RAPGEF3: variants seen among roughly 807,000 people sequenced by gnomAD.
RAPGEF3 encodes Rap guanine nucleotide exchange factor 3.
A neutral mutation model predicts 129.8 loss-of-function variants in RAPGEF3; 103 were observed. That is an observed-to-expected ratio of 0.79 (90% confidence interval 0.68 to 0.93). The LOEUF is 0.93. Among genes scored for constraint, RAPGEF3 ranks in the 40% least tolerant of loss-of-function variants. The pLI is 0.00. For synonymous variants in RAPGEF3, 436 were observed against 482.6 expected, an observed-to-expected ratio of 0.90 and a Z score of 1.26; for missense variants, 1,117 against 1,207.4, an observed-to-expected ratio of 0.93 and a Z score of 1.11.
chr12:47,751,685 G>T, intron 4 of RAPGEF3, 38 bp downstream of exon 4: 1 of 1,607,218 alleles, frequency 6.2e-7, no homozygotes, highest in Non-Finnish European at 8.5e-7. Context: ...AGAGAAAGCA[G>T]TGAGGCTGGG....
chr12:47,738,784 C>T, intron 24 of RAPGEF3, 30 bp from the exon 25 acceptor site: 2 of 1,569,308 alleles, frequency 1.3e-6, no homozygotes, highest in South Asian at 2.2e-5. Flanking sequence ...GTTCATAGGT[C>T]CCCAAACTTC....
In RAPGEF3 at chr12:47,758,687, CA is replaced by C; in HGVS notation, c.-132del. 4.7e-6 allele frequency: 7 copies of C among 1,481,578 alleles called. No individual in the cohort carries two copies. Among genetic ancestry groups the C allele is most frequent in the Non-Finnish European group, 5.4e-6 (6 of 1,111,960 alleles). 91.8% of individuals were successfully genotyped at this position (1,481,578 alleles called of 1,614,324 possible). A position where few individuals can be genotyped will look rare whatever the true frequency, so the allele number is the denominator to read the frequency against. On this transcript the variant is annotated 5_prime_UTR_variant, in exon 1 of 28. Transcript: ENST00000449771. ...TAAGTCCAGGTACAGTGAACTGGGCCAGTGCCTAGCTGGACTGGCTGCCAGG... is the reference window on the plus strand; with the variant it reads ...TAAGTCCAGGTACAGTGAACTGGGCCGTGCCTAGCTGGACTGGCTGCCAGG...
Position 47,748,905 on chromosome 12 carries a change from C to T in RAPGEF3, c.1068G>A (p.Leu356=). ...CCAGCACCACTTTGCCATGTTCTTC[C>T]AGCCGCATGGTCTTTGCCTCCACAT... is the stretch of plus-strand genomic sequence containing the variant. ...IKDVEAKTMR[L]EEHGKVVLVL... Residue 356 remains leucine, a synonymous_variant, in exon 11 of 28, where the codon CTG becomes CTA. Transcript: ENST00000449771. 2 of 1,614,042 alleles carry T rather than the reference C, an allele frequency of 1.2e-6. No homozygotes were observed. Among genetic ancestry groups the T allele is most frequent in the Non-Finnish European group, 1.7e-6 (2 of 1,179,942 alleles).
At chr12:47,741,865 ACTT>A (rs1392784524) in intron 18 of RAPGEF3, 21 of 515,724 alleles carry the variant, frequency 4.1e-5, no homozygotes, top group Non-Finnish European at 7.0e-5. Flanking sequence ...CCTCAGCCTC[ACTT>A]TCTTCCCTGG....
Position 47,749,803 on chromosome 12 carries a change from C to A in RAPGEF3, c.832G>T (p.Asp278Tyr). ...KAGTVLFSQG[D>Y]KGTSWYIIWK... is the part of the protein sequence containing the mutation. ...ATAATGTACCACGAAGTGCCCTTGT[C>A]CCCCTGGCTGAACACTGACAGAAGC... The change falls in exon 9 of 28, where the codon GAC (aspartate) becomes TAC (tyrosine). Residue 278 changes from aspartate (D) to tyrosine (Y), a missense_variant. By Grantham distance (160) the Asp-to-Tyr change is radical (BLOSUM62 -3). This residue lies in a region of RAPGEF3 where 367 missense variants were observed against 373.4 expected (regional missense o/e 0.98). Transcript: ENST00000449771. This position sits in a 1 kb window ranked among gnomAD's most constrained non-coding sequence, Gnocchi z 4.5. The A allele has an allele frequency of 6.2e-7, 1 of 1,614,204 alleles. No individual in the cohort carries two copies. The highest frequency in any genetic ancestry group is 8.5e-7 in the Non-Finnish European group (1 of 1,180,040).
intron 7 of RAPGEF3, 119 bp from the exon 8 acceptor site, chr12:47,750,109 G>T: frequency 7.9e-7 from 1 of 1,264,698 alleles, no homozygotes; most frequent in Non-Finnish European, 1.2e-6. Context: ...GATGTGGCCA[G>T]GTCAGGTGTT....
chr12:47,737,573 C>G lies in RAPGEF3; in HGVS notation c.2766G>C (p.Glu922Asp). Residue 922 changes from glutamate to aspartate, a missense_variant, in exon 28 of 28, where the codon GAG becomes GAC. Physicochemically the swap from Glu to Asp is conservative, Grantham distance 45 (BLOSUM62 2). This residue lies in a region of RAPGEF3 where 643 missense variants were observed against 673.4 expected (regional missense o/e 0.95). Transcript: ENST00000449771. ...RELSRLSRELEP is the reference protein window; with the variant it reads ...RELSRLSRELDP The stretch of plus-strand genomic sequence containing the variant: ...CTCCAGTCCCAGCCCCTCCTCATGG[C>G]TCCAGCTCTCGGGAGAGGCGGGAGA... The G allele has an allele frequency of 1.9e-6, 3 of 1,612,266 alleles. No individual in the cohort carries two copies. The highest frequency in any genetic ancestry group is 2.5e-6 in the Non-Finnish European group (3 of 1,179,552).
chr12:47,737,357 C>A lies in RAPGEF3; in HGVS notation c.*210G>T. On this transcript the variant is annotated 3_prime_UTR_variant, in exon 28 of 28. Transcript: ENST00000449771. Reference sequence around the variant, plus strand: ...CTCCCTTCCTTGGCCTTGGGTCATTCGTTATTCCTGGCTCGGGTCCACTCC... The same window carrying A: ...CTCCCTTCCTTGGCCTTGGGTCATTAGTTATTCCTGGCTCGGGTCCACTCC... 6.9e-6 allele frequency: 4 copies of A among 578,730 alleles called. No individual in the cohort carries two copies. The South Asian group carries it at 8.0e-5, about 12-fold the overall frequency. The allele number at this position is 578,730 out of a possible 1,614,324, so 35.8% of individuals were successfully genotyped here.
intron 2 of RAPGEF3, among the ~76,000 whole-genome samples, chr12:47,757,397 A>G (rs948464420): frequency 1.3e-5 from 2 of 152,144 alleles, no homozygotes; most frequent in African/African-American, 4.8e-5. Flanking sequence ...AGCAGTGTCC[A>G]CATGATCACC....
Position 47,739,079 on chromosome 12 carries a change from G to C in RAPGEF3, c.2461+64C>G, listed in dbSNP as rs771459447. 35 of 1,366,478 alleles carry C rather than the reference G, an allele frequency of 2.6e-5. No homozygotes were observed. In the South Asian group the frequency reaches 4.2e-4, roughly 16 times the overall value. The allele number at this position is 1,366,478 out of a possible 1,614,324, so 84.6% of individuals were successfully genotyped here. ...TGGGATGGGGGATGGAGGCAGGAAG[G>C]GGGAAATGGGGGATGGAGGCAGGAA... is the stretch of plus-strand genomic sequence containing the variant. On this transcript the variant is annotated intron_variant, in intron 24 of 27. Transcript: ENST00000449771.
At chr12:47,754,775 G>C (rs1941955380) in intron 2 of RAPGEF3, among the ~76,000 whole-genome samples, 1 of 152,150 alleles carries the variant, frequency 6.6e-6, no homozygotes, top group Non-Finnish European at 1.5e-5. Context: ...TCAGTTTCAG[G>C]GTTCTCAGTT....
At chr12:47,739,483 A>ACCTCTCTGTCC (rs1288124350) in intron 23 of RAPGEF3, 14 of 679,880 alleles carry the variant, frequency 2.1e-5, no homozygotes, top group Non-Finnish European at 3.8e-5. Flanking sequence ...TGTCACTGTC[A>ACCTCTCTGTCC]CCTCTCTGTC....
chr12:47,755,116 G>A (rs756964034), intron 2 of RAPGEF3, among the ~76,000 whole-genome samples: 19 of 152,214 alleles, frequency 1.2e-4, no homozygotes, highest in Non-Finnish European at 2.4e-4. Context: ...TTCGTAGCAA[G>A]AGAGAAGTGC....
chr12:47,755,900 G>A (rs921353381), intron 2 of RAPGEF3: 2 of 152,180 alleles, frequency 1.3e-5, no homozygotes. Flanking sequence ...TGGGCTAAAG[G>A]CATCATCAAG....
intron 23 of RAPGEF3, 132 bp downstream of exon 23, chr12:47,740,009 G>T: frequency 3.4e-6 from 4 of 1,168,454 alleles, no homozygotes; most frequent in Non-Finnish European, 2.5e-6. Flanking sequence ...CCTGGGCCGA[G>T]GTTGGGAACC....
intron 21 of RAPGEF3, 108 bp downstream of exon 21, chr12:47,740,534 G>T: frequency 6.7e-7 from 1 of 1,495,468 alleles, no homozygotes; most frequent in South Asian, 1.2e-5. Flanking sequence ...GGGACCCAGG[G>T]AACAAATAGG....
At position 47,749,470 on chromosome 12, in the gene RAPGEF3, G is replaced by C; in HGVS notation, c.961C>G (p.Arg321Gly). 1 of 1,613,104 alleles carries C rather than the reference G, an allele frequency of 6.2e-7. No homozygotes were observed. Among genetic ancestry groups the C allele is most frequent in the Non-Finnish European group, 8.5e-7 (1 of 1,179,996 alleles). Residue 321 changes from arginine (R) to glycine (G), a missense_variant, in exon 10 of 28, where the codon CGG becomes GGG. Arg to Gly is a moderately radical substitution (Grantham distance 125). Around this residue, in one of 3 missense-constraint regions of RAPGEF3, gnomAD observed 107 missense variants for 160.7 expected, o/e 0.67. Transcript: ENST00000449771. This position sits in a 1 kb window ranked among gnomAD's most constrained non-coding sequence, Gnocchi z 4.5. ...GQLALVNDAP[R>G]AATIILREDN... Reference sequence around the variant, plus strand: ...TCTCGCAGGATGATGGTGGCTGCCCGGGGTGCATCATTCACCAGAGCCAGC... The same window carrying C: ...TCTCGCAGGATGATGGTGGCTGCCCCGGGTGCATCATTCACCAGAGCCAGC...
At chr12:47,740,058 A>G in intron 23 of RAPGEF3, 83 bp downstream of exon 23, 1 of 1,466,276 alleles carries the variant, frequency 6.8e-7, no homozygotes, top group Admixed American at 1.9e-5. Flanking sequence ...GCTGCAGGGA[A>G]GCCAAGAGTG....
chr12:47,750,539 G>T, intron 6 of RAPGEF3, 114 bp from the exon 7 acceptor site: 2 of 874,842 alleles, frequency 2.3e-6, no homozygotes, highest in Non-Finnish European at 3.6e-6. Context: ...AGCAGTGACA[G>T]TTATCAGCAG....
Sources: gnomAD v4.1 joint callset for allele counts (sites outside exome capture counted in the v4.1 genomes callset) on GRCh38, gnomAD v4.1.1 for gene constraint, gnomAD v4.1.1 regional missense constraint, Gnocchi (gnomAD v3.1) non-coding constraint, MANE v1.5 for transcripts, NCBI Gene and HGNC (gene_info 2026-07-23, HGNC 2026-07-21) for gene names.